ARHGAP39: variants seen among roughly 807,000 people sequenced by gnomAD.
The protein encoded by ARHGAP39 is rho GTPase-activating protein 39.
ARHGAP39 carries 44 observed loss-of-function variants against 106.9 expected under a neutral mutation model. The ratio of observed to expected loss-of-function variants is 0.41; its 90% CI spans 0.32 to 0.53. ARHGAP39 has a LOEUF of 0.53. Among genes scored for constraint, ARHGAP39 ranks in the 20% least tolerant of loss-of-function variants. The pLI, the probability that ARHGAP39 is intolerant of heterozygous loss-of-function variation, is 0.21. For missense variants in ARHGAP39, 1,496 were observed against 1,577.3 expected (o/e 0.95, Z 0.87); for synonymous variants, 768 against 693.2 (o/e 1.11, Z -1.69).
In ARHGAP39 at chr8:144,586,752, T is replaced by A. The variant is rs1819197666; in HGVS notation, c.81-5475A>T. ...GGATGACAGCCCAGAAGCAGAAGTGTCCCCAGGATGGTTCCCACTGGCACT... is the reference window on the plus strand; with the variant it reads ...GGATGACAGCCCAGAAGCAGAAGTGACCCCAGGATGGTTCCCACTGGCACT... On this transcript the variant is annotated intron_variant, in intron 2 of 11. Coordinates refer to ENST00000377307, the MANE Select transcript of ARHGAP39 (RefSeq NM_025251.3). This position sits in a 1 kb window ranked among gnomAD's most constrained non-coding sequence, Gnocchi z 4.2. 6.6e-6 allele frequency among the ~76,000 whole-genome samples: 1 copy of A among 152,140 alleles called. No individual in the cohort carries two copies. The highest frequency in any genetic ancestry group is 1.5e-5 in the Non-Finnish European group (1 of 68,022).
At chr8:144,652,754 C>T (rs1821603982) in intron 1 of ARHGAP39, among the ~76,000 whole-genome samples, 1 of 151,762 alleles carries the variant, frequency 6.6e-6, no homozygotes, top group Admixed American at 6.6e-5. Flanking sequence ...CTAGGGTCTA[C>T]CTGAGGGTGG....
intron 1 of ARHGAP39, among the ~76,000 whole-genome samples, chr8:144,681,482 C>T (rs571019782): frequency 1.3e-5 from 2 of 152,256 alleles, no homozygotes; most frequent in Admixed American, 6.5e-5. Flanking sequence ...CTTGAGTCAA[C>T]GAAGAGGCAC....
chr8:144,545,726 T>C lies in ARHGAP39; in HGVS notation c.2044A>G (p.Thr682Ala), dbSNP rs749201962. 2 of 1,611,888 alleles carry C rather than the reference T, an allele frequency of 1.2e-6. No homozygotes were observed. The highest frequency in any genetic ancestry group is 1.3e-5 in the African/African-American group (1 of 74,804). The change falls in exon 6 of 12, where the codon ACT becomes GCT. Residue 682 changes from threonine (T) to alanine (A), a missense_variant. Physicochemically the swap from Thr to Ala is moderately conservative, Grantham distance 58 (BLOSUM62 0). Coordinates refer to ENST00000377307, the MANE Select transcript of ARHGAP39 (RefSeq NM_025251.3). Reference protein sequence around the residue: ...GVPSSSCVFPTFTLRKPSSET... With the variant: ...GVPSSSCVFPAFTLRKPSSET... ...GAGGAGGGCTTGCGCAGCGTGAAAG[T>C]GGGGAAGACGCAGCTGGAGCTGGGA...
chr8:144,597,147 C>T (rs183386987), intron 2 of ARHGAP39, among the ~76,000 whole-genome samples: 4 of 152,308 alleles, frequency 2.6e-5, no homozygotes, highest in Admixed American at 1.3e-4. Flanking sequence ...GGGAGGAGGG[C>T]GACCAGAACC....
chr8:144,659,859 C>A (rs1203297922), intron 1 of ARHGAP39, among the ~76,000 whole-genome samples: 2 of 152,146 alleles, frequency 1.3e-5, no homozygotes, highest in Non-Finnish European at 2.9e-5. Flanking sequence ...CCTCTACATG[C>A]TACCCTTTGA....
At chr8:144,555,762 C>T in intron 3 of ARHGAP39, 119 bp from the exon 4 acceptor site, 1 of 855,176 alleles carries the variant, frequency 1.2e-6, no homozygotes, top group Non-Finnish European at 1.9e-6. Context: ...TAACCTGGCT[C>T]CTGCCCCCAG....
intron 1 of ARHGAP39, among the ~76,000 whole-genome samples, chr8:144,612,189 G>A (rs1162215321): frequency 6.0e-4 from 77 of 127,718 alleles, no homozygotes; most frequent in Non-Finnish European, 2.7e-4. Flanking sequence ...CGGCTGCGCC[G>A]CTGCACTCCA....
chr8:144,551,090 A>G (rs1000006336), intron 4 of ARHGAP39, among the ~76,000 whole-genome samples: 2 of 152,148 alleles, frequency 1.3e-5, no homozygotes, highest in Admixed American at 6.5e-5. Flanking sequence ...ACCACTTAAC[A>G]GATACTGCCT....
chr8:144,602,385 CTGTG>C (rs1200290301), intron 2 of ARHGAP39, among the ~76,000 whole-genome samples: 4 of 113,922 alleles, frequency 3.5e-5, no homozygotes, highest in Non-Finnish European at 5.3e-5. Context: ...GCTCATGTAC[CTGTG>C]TGTGTGCGTG....
At chr8:144,623,019 C>T (rs1259542961) in intron 1 of ARHGAP39, among the ~76,000 whole-genome samples, 1 of 152,236 alleles carries the variant, frequency 6.6e-6, no homozygotes, top group African/African-American at 2.4e-5. Context: ...CGGTCAGGAC[C>T]CACAGAAACA....
At chr8:144,565,616 G>C (rs1818366612) in intron 3 of ARHGAP39, among the ~76,000 whole-genome samples, 2 of 151,824 alleles carry the variant, frequency 1.3e-5, no homozygotes. Context: ...TTGAACCCAG[G>C]AGGTAGAGGT....
chr8:144,621,719 G>A (rs1179033401), intron 1 of ARHGAP39, among the ~76,000 whole-genome samples: 1 of 152,258 alleles, frequency 6.6e-6, no homozygotes, highest in Non-Finnish European at 1.5e-5. Context: ...TCAGGAGGCT[G>A]AGGTGGGAGG....
chr8:144,696,276 T>C, the ARHGAP39 span, among the ~76,000 whole-genome samples: 1 of 152,104 alleles, frequency 6.6e-6, no homozygotes, highest in African/African-American at 2.4e-5. Context: ...GTCGTTAGGA[T>C]GACAAGTACG....
rs375593129 is a variant in ARHGAP39, at chr8:144,602,375, GC to G, written c.80+3159del. ...CATGTGCATGGAGGTGTGTGTGCGA[GC>G]TCATGTACCTGTGTGTGTGCGTGGA... On this transcript the variant is annotated intron_variant, in intron 2 of 11. Coordinates refer to ENST00000377307, the MANE Select transcript of ARHGAP39 (RefSeq NM_025251.3). Among the ~76,000 whole-genome samples, 287 of 143,098 alleles carry G rather than the reference GC, an allele frequency of 2.0e-3. 4 individuals carry two copies. The highest frequency in any genetic ancestry group is 7.1e-3 in the African/African-American group (267 of 37,844). The allele number at this position is 143,098 out of a possible 152,430, so 93.9% of individuals were successfully genotyped here.
At chr8:144,568,270 G>A (rs1384833078) in intron 3 of ARHGAP39, among the ~76,000 whole-genome samples, 2 of 130,864 alleles carry the variant, frequency 1.5e-5, no homozygotes, top group Non-Finnish European at 3.1e-5. Context: ...GCAGGTGGAG[G>A]ATGCAGTGAG....
At chr8:144,599,335 C>T (rs548619954) in intron 2 of ARHGAP39, among the ~76,000 whole-genome samples, 1 of 152,108 alleles carries the variant, frequency 6.6e-6, no homozygotes. Flanking sequence ...ACGACAATCT[C>T]GATGGTCTGG....
chr8:144,576,880 G>A (rs111737935), intron 3 of ARHGAP39, among the ~76,000 whole-genome samples: 14,091 of 152,180 alleles, frequency 0.093, 1,535 homozygotes, highest in African/African-American at 0.26. Flanking sequence ...GCTCCTGCCC[G>A]TCTCTGGCTG....
intron 3 of ARHGAP39, among the ~76,000 whole-genome samples, chr8:144,570,982 A>G (rs2130884187): frequency 6.6e-6 from 1 of 152,338 alleles, no homozygotes; most frequent in East Asian, 1.9e-4. Context: ...AAATTAAGGC[A>G]ATAATTAATA....
intron 1 of ARHGAP39, among the ~76,000 whole-genome samples, chr8:144,681,919 G>C (rs1256971782): frequency 2.0e-5 from 3 of 152,172 alleles, no homozygotes; most frequent in African/African-American, 7.2e-5. Context: ...ACTTGAGGAG[G>C]ACCATCTCCT....
Sources: gnomAD v4.1 joint callset for allele counts (sites outside exome capture counted in the v4.1 genomes callset) on GRCh38, gnomAD v4.1.1 for gene constraint, Gnocchi (gnomAD v3.1) non-coding constraint, MANE v1.5 for transcripts, NCBI Gene and HGNC (gene_info 2026-07-23, HGNC 2026-07-21) for gene names.